ZMYM1: variants seen among roughly 807,000 people sequenced by gnomAD.
ZMYM1 encodes zinc finger MYM-type containing 1.
In ZMYM1, 39 loss-of-function variants were observed where a neutral mutation model predicts 60.0. That is an observed-to-expected ratio of 0.65 (90% CI 0.50 to 0.85). The LOEUF (loss-of-function observed/expected upper bound fraction) is 0.85, where lower values mean the gene tolerates loss of function less well. Ranked by LOEUF, ZMYM1 falls within the 40% of genes least tolerant of loss-of-function variation. ZMYM1 has a pLI of 0.00. For missense variants in ZMYM1, 1,171 were observed against 1,309.5 expected, an observed-to-expected ratio of 0.89 and a Z score of 1.63; for synonymous variants, 413 against 454.0, an observed-to-expected ratio of 0.91 and a Z score of 1.15.
Position 35,088,502 on chromosome 1 carries a change from A to G in ZMYM1, c.-74-5412A>G, listed in dbSNP as rs866776041. Reference sequence around the variant, plus strand: ...TGTGTGTGTGTGTGTGTGTGTGTGTATGTACATATATGTATATATATTTTA... The same window carrying G: ...TGTGTGTGTGTGTGTGTGTGTGTGTGTGTACATATATGTATATATATTTTA... On this transcript the variant is annotated intron_variant, in intron 1 of 9. Coordinates refer to ENST00000359858, the MANE Select transcript of ZMYM1 (RefSeq NM_024772.5). Among the ~76,000 whole-genome samples, 776 of 119,216 alleles carry G rather than the reference A, an allele frequency of 6.5e-3. 19 individuals are homozygous for G. Among genetic ancestry groups the G allele is most frequent in the African/African-American group, 0.021 (643 of 30,400 alleles). The allele number at this position is 119,216 out of a possible 152,430, so 78.2% of individuals were successfully genotyped here. A position where few individuals can be genotyped will look rare whatever the true frequency, so the allele number is the denominator to read the frequency against.
Position 35,113,895 on chromosome 1 carries a change from A to T in ZMYM1, c.2065A>T (p.Thr689Ser), listed in dbSNP as rs373336163. ...FLGFVDTEEM[T>S]GTHLHRTIKT... ...GGGTTTTGTTGATACTGAGGAGATG[A>T]CTGGGACCCACTTACATAGGACTAT... The change falls in exon 10 of 10, where the codon ACT (threonine) becomes TCT (serine). Residue 689 changes from threonine (T) to serine (S), a missense_variant. Physicochemically the swap from Thr to Ser is moderately conservative, Grantham distance 58. Coordinates refer to ENST00000359858, the MANE Select transcript of ZMYM1 (RefSeq NM_024772.5). 5.6e-6 allele frequency: 9 copies of T among 1,613,818 alleles called. No homozygotes were observed. The highest frequency in any genetic ancestry group is 7.6e-6 in the Non-Finnish European group (9 of 1,179,908).
chr1:35,102,840 A>G (rs1476800937), intron 4 of ZMYM1, among the ~76,000 whole-genome samples: 1 of 152,168 alleles, frequency 6.6e-6, no homozygotes, highest in East Asian at 1.9e-4. Flanking sequence ...GTGTTGTCAC[A>G]CGGAATTTTT....
intron 4 of ZMYM1, among the ~76,000 whole-genome samples, chr1:35,098,616 A>C (rs528201851): frequency 6.6e-6 from 1 of 152,258 alleles, no homozygotes; most frequent in South Asian, 2.1e-4. Context: ...TTAGAAATGC[A>C]CTTTCTCAGG....
In ZMYM1 at chr1:35,099,538, T is replaced by C. The variant is rs566770570; in HGVS notation, c.419+1972T>C. Among the ~76,000 whole-genome samples the C allele has an allele frequency of 1.2e-3, 189 of 152,220 alleles. 1 individual carries two copies. Among genetic ancestry groups the C allele is most frequent in the African/African-American group, 4.5e-3 (185 of 41,532 alleles). On this transcript the variant is annotated intron_variant, in intron 4 of 9. Coordinates refer to ENST00000359858, the MANE Select transcript of ZMYM1 (RefSeq NM_024772.5). The stretch of plus-strand genomic sequence containing the variant: ...GAATAAAATTTTTTTATAAAAAATA[T>C]TATATTGTAGTGGGTAGAAAGATGG...
intron 1 of ZMYM1, among the ~76,000 whole-genome samples, chr1:35,067,673 G>A (rs1480334544): frequency 2.0e-5 from 3 of 151,766 alleles, no homozygotes; most frequent in Non-Finnish European, 2.9e-5. Context: ...TCGGGAATTC[G>A]AGAGCAGCCT....
intron 1 of ZMYM1, among the ~76,000 whole-genome samples, chr1:35,069,298 G>A (rs543719553): frequency 1.3e-5 from 2 of 152,260 alleles, no homozygotes; most frequent in South Asian, 4.1e-4. Flanking sequence ...ACTGAAGTGA[G>A]GTGTTATCTC....
At chr1:35,073,648 GA>G (rs1190150498) in intron 1 of ZMYM1, among the ~76,000 whole-genome samples, 7 of 135,320 alleles carry the variant, frequency 5.2e-5, no homozygotes, top group African/African-American at 8.2e-5. Flanking sequence ...GAAAAGAAAA[GA>G]AAAAAAGGAA....
At chr1:35,090,239 G>A (rs1452560456) in intron 1 of ZMYM1, among the ~76,000 whole-genome samples, 2 of 152,044 alleles carry the variant, frequency 1.3e-5, no homozygotes, top group Non-Finnish European at 2.9e-5. Context: ...TAGGAGACAG[G>A]AAGACTTGCA....
intron 1 of ZMYM1, among the ~76,000 whole-genome samples, chr1:35,083,706 C>T (rs1262012616): frequency 6.6e-6 from 1 of 152,046 alleles, no homozygotes; most frequent in Non-Finnish European, 1.5e-5. Flanking sequence ...ACCTGGAACT[C>T]TTTCCTGGGC....
In ZMYM1 at chr1:35,115,445, C is replaced by T. The variant is rs563500319; in HGVS notation, c.*186C>T. On this transcript the variant is annotated 3_prime_UTR_variant, in exon 10 of 10. Transcript: ENST00000359858. ...TAAATATCCCTCTAGAGGTATTTTT[C>T]CTAAGTGGTATTGTACGGTGTATAC... 7.9e-4 allele frequency: 479 copies of T among 608,688 alleles called. 2 individuals are homozygous for T. Among genetic ancestry groups the T allele is most frequent in the Non-Finnish European group, 1.0e-3 (385 of 376,768 alleles). 37.7% of individuals were successfully genotyped at this position (608,688 alleles called of 1,614,324 possible).
intron 6 of ZMYM1, among the ~76,000 whole-genome samples, chr1:35,108,150 T>C (rs964699438): frequency 6.6e-6 from 1 of 152,156 alleles, no homozygotes; most frequent in African/African-American, 2.4e-5. Context: ...TATGCCACTA[T>C]TGTTGCTTAA....
At chr1:35,082,920 G>T (rs1321915935) in intron 1 of ZMYM1, among the ~76,000 whole-genome samples, 1 of 152,048 alleles carries the variant, frequency 6.6e-6, no homozygotes, top group African/African-American at 2.4e-5. Flanking sequence ...GGTGGAGGTT[G>T]CAGTGACCTG....
chr1:35,088,872 CA>C (rs1230526755), intron 1 of ZMYM1, among the ~76,000 whole-genome samples: 1 of 139,670 alleles, frequency 7.2e-6, no homozygotes, highest in African/African-American at 2.6e-5. Flanking sequence ...AGTGCAATGG[CA>C]TGATCTCGGC....
intron 1 of ZMYM1, among the ~76,000 whole-genome samples, chr1:35,082,085 C>T (rs570237192): frequency 6.6e-6 from 1 of 152,254 alleles, no homozygotes; most frequent in Non-Finnish European, 1.5e-5. Flanking sequence ...TGAATAATAA[C>T]AATTTTAACT....
chr1:35,095,903 A>G lies in ZMYM1; in HGVS notation c.169+12A>G. 1 of 1,568,294 alleles carries G rather than the reference A, an allele frequency of 6.4e-7. No homozygotes were observed. On this transcript the variant is annotated intron_variant, in intron 3 of 9. Coordinates refer to ENST00000359858, the MANE Select transcript of ZMYM1 (RefSeq NM_024772.5). Reference sequence around the variant, plus strand: ...GTTTTCAGAGAGTGGTAATAGAATTATTTAAGTTAGTTATGTTTATTCAGA... The same window carrying G: ...GTTTTCAGAGAGTGGTAATAGAATTGTTTAAGTTAGTTATGTTTATTCAGA...
intron 4 of ZMYM1, among the ~76,000 whole-genome samples, chr1:35,101,965 T>C (rs888100288): frequency 2.0e-5 from 3 of 152,190 alleles, no homozygotes; most frequent in Admixed American, 1.3e-4. Context: ...GAATATTAAC[T>C]GTATCAAAAA....
At chr1:35,071,468 G>A (rs1642066262) in intron 1 of ZMYM1, among the ~76,000 whole-genome samples, 1 of 151,966 alleles carries the variant, frequency 6.6e-6, no homozygotes, top group Admixed American at 6.6e-5. Flanking sequence ...GAGTTGTTGG[G>A]ACTGCAGGTG....
At chr1:35,098,425 G>A (rs78394948) in intron 4 of ZMYM1, among the ~76,000 whole-genome samples, 1 of 152,084 alleles carries the variant, frequency 6.6e-6, no homozygotes, top group Non-Finnish European at 1.5e-5. Context: ...AAATGTTCTT[G>A]TTCAGAACAA....
At chr1:35,108,779 A>G (rs559746148) in intron 6 of ZMYM1, among the ~76,000 whole-genome samples, 1 of 148,284 alleles carries the variant, frequency 6.7e-6, no homozygotes, top group Admixed American at 6.7e-5. Flanking sequence ...GGTGTGAGCA[A>G]AGCTCACTGG....
Sources: allele counts gnomAD v4.1 joint callset (sites outside exome capture counted in the v4.1 genomes callset), GRCh38; gene constraint gnomAD v4.1.1; transcripts MANE v1.5; gene names NCBI Gene and HGNC (gene_info 2026-07-23, HGNC 2026-07-21).